The following CHST11 variants were observed in gnomAD, a reference collection of about 807,000 sequenced individuals.
The protein encoded by CHST11 is C4S-1.
Under a neutral mutation model 30.4 loss-of-function variants are expected in CHST11, and 9 were observed. The observed-to-expected ratio is 0.30, with a 90% confidence interval of 0.18 to 0.52. The LOEUF (loss-of-function observed/expected upper bound fraction) is 0.52. CHST11 is among the 20% of genes least tolerant of loss of function. The pLI is 0.97. For synonymous variants in CHST11, 152 were observed against 187.8 expected, an observed-to-expected ratio of 0.81 and a Z score of 1.56; for missense variants, 348 against 460.6, an observed-to-expected ratio of 0.76 and a Z score of 2.24.
intron 1 of CHST11, among the ~76,000 whole-genome samples, chr12:104,547,159 A>G (rs938805553): frequency 6.6e-6 from 1 of 152,212 alleles, no homozygotes; most frequent in Non-Finnish European, 1.5e-5. Flanking sequence ...TAGGGGAGTA[A>G]TTGAGACAGG....
chr12:104,699,038 T>A (rs1053351236), intron 2 of CHST11, among the ~76,000 whole-genome samples: 1 of 152,224 alleles, frequency 6.6e-6, no homozygotes, highest in African/African-American at 2.4e-5. Context: ...CTCGGCTGCA[T>A]TTTCTCAGCT....
chr12:104,606,186 A>G (rs1161788505), intron 2 of CHST11, among the ~76,000 whole-genome samples: 1 of 140,782 alleles, frequency 7.1e-6, no homozygotes, highest in South Asian at 2.5e-4. Flanking sequence ...GGGGGGGGGA[A>G]TGGCTCCAGG....
At chr12:104,706,989 G>A (rs1264252970) in intron 2 of CHST11, among the ~76,000 whole-genome samples, 2 of 152,078 alleles carry the variant, frequency 1.3e-5, no homozygotes, top group Admixed American at 6.6e-5. Context: ...AAGAAAATAC[G>A]GGACAGTCGT....
intron 1 of CHST11, among the ~76,000 whole-genome samples, chr12:104,593,326 G>A (rs1191298699): frequency 2.0e-5 from 3 of 151,902 alleles, no homozygotes; most frequent in East Asian, 1.9e-4. Flanking sequence ...AGTAAGGAGA[G>A]AGAGATTTGG....
chr12:104,578,458 T>C (rs561784891), intron 1 of CHST11, among the ~76,000 whole-genome samples: 1 of 152,352 alleles, frequency 6.6e-6, no homozygotes, highest in Admixed American at 6.5e-5. Flanking sequence ...TCTTTCTGTT[T>C]GAGTGTCTTT....
chr12:104,704,875 ACTC>A, intron 2 of CHST11, among the ~76,000 whole-genome samples: 1 of 151,138 alleles, frequency 6.6e-6, no homozygotes, highest in South Asian at 2.1e-4. Context: ...GCCCCTCAGT[ACTC>A]CTCCTGGGGC....
At chr12:104,750,776 A>G (rs1448614210) in intron 2 of CHST11, among the ~76,000 whole-genome samples, 1 of 152,098 alleles carries the variant, frequency 6.6e-6, no homozygotes, top group East Asian at 1.9e-4. Flanking sequence ...TATTTTTAAT[A>G]ATTTAAATCA....
chr12:104,725,778 G>A (rs1168921307), intron 2 of CHST11, among the ~76,000 whole-genome samples: 1 of 151,980 alleles, frequency 6.6e-6, no homozygotes, highest in Admixed American at 6.6e-5. Context: ...CTTGGAGAGT[G>A]GGCAGTGGGT....
intron 2 of CHST11, among the ~76,000 whole-genome samples, chr12:104,682,886 T>C (rs1184293027): frequency 5.3e-5 from 8 of 152,228 alleles, no homozygotes; most frequent in Non-Finnish European, 1.0e-4. Context: ...ACCGTAACCG[T>C]AGCCACCGAT....
At chr12:104,670,734 C>T (rs1252080252) in intron 2 of CHST11, among the ~76,000 whole-genome samples, 1 of 151,214 alleles carries the variant, frequency 6.6e-6, no homozygotes. Flanking sequence ...TATACACACA[C>T]ACTCCCACAC....
chr12:104,510,554 A>C (rs1156678441), intron 1 of CHST11, among the ~76,000 whole-genome samples: 2 of 152,240 alleles, frequency 1.3e-5, no homozygotes, highest in Non-Finnish European at 2.9e-5. Context: ...TTCCAGGAGC[A>C]GAATTTAATG....
At chr12:104,700,208 C>G (rs1592846359) in intron 2 of CHST11, among the ~76,000 whole-genome samples, 1 of 152,102 alleles carries the variant, frequency 6.6e-6, no homozygotes. Flanking sequence ...ACAAGGATAG[C>G]AAAACAATGA....
chr12:104,703,724 A>G (rs1366761298), intron 2 of CHST11, among the ~76,000 whole-genome samples: 1 of 152,222 alleles, frequency 6.6e-6, no homozygotes, highest in Non-Finnish European at 1.5e-5. Context: ...TTCCAGGCTC[A>G]CTGTGTGGTT....
intron 2 of CHST11, among the ~76,000 whole-genome samples, chr12:104,621,702 T>A (rs1371052595): frequency 6.6e-6 from 1 of 152,240 alleles, no homozygotes; most frequent in Admixed American, 6.5e-5. Context: ...AGAACAGATT[T>A]TCCCTTGGAG....
chr12:104,640,719 G>A (rs2039368651), intron 2 of CHST11, among the ~76,000 whole-genome samples: 1 of 152,050 alleles, frequency 6.6e-6, no homozygotes, highest in Admixed American at 6.6e-5. Context: ...TGTAAACTAT[G>A]GACTTCAATT....
At chr12:104,755,035 T>C (rs912890824) in intron 2 of CHST11, among the ~76,000 whole-genome samples, 1 of 152,230 alleles carries the variant, frequency 6.6e-6, no homozygotes, top group African/African-American at 2.4e-5. Flanking sequence ...TGGAGCTTAA[T>C]GCAGGGTGCA....
chr12:104,489,212 T>C (rs1201341850), intron 1 of CHST11, among the ~76,000 whole-genome samples: 1 of 152,018 alleles, frequency 6.6e-6, no homozygotes, highest in African/African-American at 2.4e-5. Context: ...AATTTTTGTA[T>C]TTTTAGTAGA....
At position 104,500,260 on chromosome 12, in the gene CHST11, A is replaced by G. The variant is rs142147480; in HGVS notation, c.118+42731A>G. Among the ~76,000 whole-genome samples, 34 of 152,284 alleles carry G rather than the reference A, an allele frequency of 2.2e-4. No homozygotes were observed. The East Asian group carries it at 6.0e-3, about 27-fold the overall frequency. ...TCATTTTATTTTCGTAACATATAATATTGCCTCTCCTCTGGCAGCCTTGGT... is the reference window on the plus strand; with the variant it reads ...TCATTTTATTTTCGTAACATATAATGTTGCCTCTCCTCTGGCAGCCTTGGT... On this transcript the variant is annotated intron_variant, in intron 1 of 2. Transcript: ENST00000303694.
At chr12:104,638,021 G>C (rs1403388484) in intron 2 of CHST11, among the ~76,000 whole-genome samples, 1 of 152,158 alleles carries the variant, frequency 6.6e-6, no homozygotes, top group Non-Finnish European at 1.5e-5. Flanking sequence ...CATAGAGCAG[G>C]CTCTCTCAGC....
Sources: allele counts gnomAD v4.1 joint callset (sites outside exome capture counted in the v4.1 genomes callset), GRCh38; gene constraint gnomAD v4.1.1; transcripts MANE v1.5; gene names NCBI Gene and HGNC (gene_info 2026-07-23, HGNC 2026-07-21).